The following MED12L variants were observed in gnomAD, a reference collection of about 807,000 sequenced individuals.
MED12L encodes mediator of RNA polymerase II transcription subunit 12-like protein.
MED12L carries 60 observed loss-of-function variants against 281.3 expected under a neutral mutation model. The observed-to-expected ratio is 0.21, with a 90% CI of 0.17 to 0.26. The LOEUF (loss-of-function observed/expected upper bound fraction) is 0.26. Ranked by LOEUF, MED12L falls within the 10% of genes least tolerant of loss-of-function variation. The probability of loss-of-function intolerance (pLI) is 1.00; values close to 1 mark genes in which losing one functional copy is unlikely to be tolerated. For synonymous variants in MED12L, 974 were observed against 987.2 expected (o/e 0.99, Z 0.25); for missense variants, 2,146 against 2,680.9 (o/e 0.80, Z 4.41).
At chr3:151,382,372 T>C (rs760630031) in intron 32 of MED12L, among the ~76,000 whole-genome samples, 18 of 152,218 alleles carry the variant, frequency 1.2e-4, no homozygotes, top group Non-Finnish European at 2.5e-4. Flanking sequence ...AAGTTTTTAT[T>C]AATGCTTAAT....
At chr3:151,102,280 C>T (rs1721483342) in intron 2 of MED12L, among the ~76,000 whole-genome samples, 1 of 151,998 alleles carries the variant, frequency 6.6e-6, no homozygotes, top group South Asian at 2.1e-4. Flanking sequence ...TGGAAGGTTT[C>T]CTAAGCTTGG....
At chr3:151,151,476 G>C (rs1198558258) in intron 5 of MED12L, among the ~76,000 whole-genome samples, 1 of 151,698 alleles carries the variant, frequency 6.6e-6, no homozygotes, top group African/African-American at 2.4e-5. Flanking sequence ...TCTAGCTTTT[G>C]ATTTACAGTG....
At chr3:151,424,129 G>A (rs1577620470) in intron 43 of MED12L, among the ~76,000 whole-genome samples, 1 of 152,284 alleles carries the variant, frequency 6.6e-6, no homozygotes, top group East Asian at 1.9e-4. Context: ...CTTTTGAAGT[G>A]GAAGAAATTA....
chr3:151,178,716 G>C lies in MED12L; in HGVS notation c.1495-6614G>C, dbSNP rs147387791. On this transcript the variant is annotated intron_variant, in intron 11 of 44. Transcript: ENST00000687756. The stretch of plus-strand genomic sequence containing the variant: ...CTGGGGATAATATAACCAGCTTATA[G>C]GTTGTAAAGATTGAGAGAAAGAATT... Among the ~76,000 whole-genome samples the C allele has an allele frequency of 4.9e-4, 75 of 152,262 alleles. 1 individual carries two copies. Among genetic ancestry groups the C allele is most frequent in the African/African-American group, 1.7e-3 (72 of 41,542 alleles).
At chr3:151,196,250 T>G (rs1724641369) in intron 16 of MED12L, among the ~76,000 whole-genome samples, 1 of 152,224 alleles carries the variant, frequency 6.6e-6, no homozygotes, top group African/African-American at 2.4e-5. Context: ...AGGATACATT[T>G]TTTAATAGCC....
At chr3:151,369,074 G>T (rs938512745) in intron 25 of MED12L, among the ~76,000 whole-genome samples, 1 of 152,006 alleles carries the variant, frequency 6.6e-6, no homozygotes, top group Admixed American at 6.6e-5. Flanking sequence ...ATTTATTCTT[G>T]TACTAAGTAA....
intron 21 of MED12L, among the ~76,000 whole-genome samples, chr3:151,361,697 G>A (rs931084831): frequency 1.3e-5 from 2 of 152,014 alleles, no homozygotes; most frequent in Admixed American, 6.6e-5. Flanking sequence ...ACAAATTACT[G>A]TAAGTGTGAG....
Position 151,281,465 on chromosome 3 carries a change from G to A in MED12L, c.2251-68594G>A, listed in dbSNP as rs1742804150. ...TTTATTATGACTTTTAGCAACGTAG[G>A]TAATGACTCTTTTCAACACTAGACA... On this transcript the variant is annotated intron_variant, in intron 16 of 44. Coordinates refer to ENST00000687756, the MANE Select transcript of MED12L (RefSeq NM_001393769.1). Among the ~76,000 whole-genome samples, 7 of 151,814 alleles carry A rather than the reference G, an allele frequency of 4.6e-5. No individual in the cohort carries two copies. The South Asian group carries it at 1.5e-3, about 32-fold the overall frequency.
chr3:151,263,533 C>CA (rs2149510731), intron 16 of MED12L, among the ~76,000 whole-genome samples: 1 of 152,232 alleles, frequency 6.6e-6, no homozygotes, highest in South Asian at 2.1e-4. Context: ...ATCAACTTTC[C>CA]AAAATATCAT....
chr3:151,235,692 CAAAT>C (rs139535921), intron 16 of MED12L, among the ~76,000 whole-genome samples: 123,043 of 148,970 alleles, frequency 0.83, 50,852 homozygotes, highest in South Asian at 0.89. Flanking sequence ...GACTCCATCT[CAAAT>C]AAATAAATAA....
At chr3:151,216,081 T>G (rs1399555286) in intron 16 of MED12L, among the ~76,000 whole-genome samples, 2 of 152,222 alleles carry the variant, frequency 1.3e-5, no homozygotes, top group Non-Finnish European at 2.9e-5. Flanking sequence ...AACACTCCTC[T>G]CTCCAGCTGT....
At chr3:151,422,388 G>C (rs1299193751) in intron 43 of MED12L, among the ~76,000 whole-genome samples, 1 of 152,180 alleles carries the variant, frequency 6.6e-6, no homozygotes, top group Non-Finnish European at 1.5e-5. Context: ...GGCTGTGAGA[G>C]AGAATCTGTT....
intron 5 of MED12L, among the ~76,000 whole-genome samples, chr3:151,140,728 G>A (rs1716806523): frequency 6.6e-6 from 1 of 152,134 alleles, no homozygotes; most frequent in Non-Finnish European, 1.5e-5. Flanking sequence ...CGCCCAGGCT[G>A]GAGTGCAATG....
intron 2 of MED12L, among the ~76,000 whole-genome samples, chr3:151,108,543 C>T (rs1301181286): frequency 6.6e-6 from 1 of 152,068 alleles, no homozygotes; most frequent in Admixed American, 6.5e-5. Context: ...GGAAATATAG[C>T]TATAAAACCA....
chr3:151,150,039 G>T (rs1364432500), intron 5 of MED12L, among the ~76,000 whole-genome samples: 2 of 152,096 alleles, frequency 1.3e-5, no homozygotes, highest in African/African-American at 4.8e-5. Context: ...AACTCCTATG[G>T]AAGTCAATAT....
chr3:151,334,188 C>CTTTTTTTTTTTTTTT (rs1225344552), intron 16 of MED12L, among the ~76,000 whole-genome samples: 2 of 30,302 alleles, frequency 6.6e-5, no homozygotes, highest in African/African-American at 2.1e-4. Flanking sequence ...TTTTTTCTTT[C>CTTTTTTTTTTTTTTT]TTTCTTTCTT....
chr3:151,250,314 T>TTTAAGTGTTC (rs1736593933), intron 16 of MED12L, among the ~76,000 whole-genome samples: 1 of 152,202 alleles, frequency 6.6e-6, no homozygotes. Context: ...CTTAACTATT[T>TTTAAGTGTTC]TTAAGTGTTC....
At position 151,416,368 on chromosome 3, in the gene MED12L, G is replaced by T; in HGVS notation, c.6354G>T (p.Ser2118=). 1 of 1,560,964 alleles carries T rather than the reference G, an allele frequency of 6.4e-7. No individual in the cohort carries two copies. Residue 2118 remains serine, a synonymous_variant, in exon 43 of 45, where the codon TCG becomes TCT. Coordinates refer to ENST00000687756, the MANE Select transcript of MED12L (RefSeq NM_001393769.1). ...AGCCTCCCCAGCCCCAGCAGTCCTC[G>T]CAGTCCCAGAGTCAGACCCTTGGTC... ...PQQPPQPQQS[S]QSQSQTLGLQ...
chr3:151,189,147 A>C (rs1723640099), intron 13 of MED12L, among the ~76,000 whole-genome samples: 1 of 152,204 alleles, frequency 6.6e-6, no homozygotes, highest in Admixed American at 6.5e-5. Context: ...AAGCAATAGA[A>C]AGAGGGAGAA....
Sources: gnomAD v4.1 joint callset for allele counts (sites outside exome capture counted in the v4.1 genomes callset) on GRCh38, gnomAD v4.1.1 for gene constraint, MANE v1.5 for transcripts, NCBI Gene and HGNC (gene_info 2026-07-23, HGNC 2026-07-21) for gene names.